The following CCDC88A variants were observed in gnomAD, a reference collection of about 807,000 sequenced individuals.
The protein encoded by CCDC88A is coiled-coil and HOOK domain protein 88A.
A neutral mutation model predicts 234.3 loss-of-function variants in CCDC88A; 54 were observed. The observed-to-expected ratio is 0.23, with a 90% CI of 0.19 to 0.29. The LOEUF is 0.29. Ranked by LOEUF, CCDC88A falls within the 10% of genes least tolerant of loss-of-function variation. CCDC88A has a pLI of 1.00. For missense variants in CCDC88A, 1,832 were observed against 2,123.4 expected (o/e 0.86, Z 2.70); for synonymous variants, 753 against 737.8 (o/e 1.02, Z -0.33).
At chr2:55,384,657 A>T (rs1675289139) in intron 3 of CCDC88A, among the ~76,000 whole-genome samples, 2 of 119,138 alleles carry the variant, frequency 1.7e-5, no homozygotes, top group African/African-American at 8.1e-5. Flanking sequence ...ATACATATAT[A>T]TATATATATA....
intron 2 of CCDC88A, among the ~76,000 whole-genome samples, chr2:55,396,921 C>T (rs1677694854): frequency 6.6e-6 from 1 of 150,758 alleles, no homozygotes; most frequent in South Asian, 2.1e-4. Flanking sequence ...TTCTAAAACC[C>T]GAGTGTACAT....
At chr2:55,375,047 T>C (rs1194646156) in intron 3 of CCDC88A, among the ~76,000 whole-genome samples, 164 bp from the exon 4 acceptor site, 1 of 152,190 alleles carries the variant, frequency 6.6e-6, no homozygotes, top group Non-Finnish European at 1.5e-5. Context: ...GTAACTTCAA[T>C]GAATTAAATA....
chr2:55,402,930 A>C (rs947396171), intron 2 of CCDC88A, among the ~76,000 whole-genome samples: 2 of 151,816 alleles, frequency 1.3e-5, no homozygotes, highest in African/African-American at 2.4e-5. Context: ...AATGGCGTGA[A>C]CCCAGGAGGC....
rs1306064434 is a variant in CCDC88A at position 55,302,076 on chromosome 2, G to C, written c.4472-4C>G. On this transcript the variant is annotated splice_polypyrimidine_tract_variant and splice_region_variant and intron_variant, in intron 26 of 32. Coordinates refer to ENST00000436346, the MANE Select transcript of CCDC88A (RefSeq NM_001365480.1). ...GACTGCACCAGGTCATTCATGGCTGGGATGCAAATGAAAGCAAATGAATCA... is the reference window on the plus strand; with the variant it reads ...GACTGCACCAGGTCATTCATGGCTGCGATGCAAATGAAAGCAAATGAATCA... The C allele has an allele frequency of 6.2e-7, 1 of 1,610,224 alleles. No homozygotes were observed. The highest frequency in any genetic ancestry group is 1.3e-5 in the African/African-American group (1 of 74,792).
chr2:55,312,302 C>T, intron 23 of CCDC88A, 132 bp downstream of exon 23: 1 of 702,786 alleles, frequency 1.4e-6, no homozygotes, highest in Non-Finnish European at 2.4e-6. Context: ...AGAATAGTGC[C>T]TGGAATATAA....
At chr2:55,319,140 A>G in intron 18 of CCDC88A, 136 bp from the exon 19 acceptor site, 1 of 703,842 alleles carries the variant, frequency 1.4e-6, no homozygotes, top group Non-Finnish European at 2.1e-6. Context: ...ATCTTAAAAG[A>G]GAAAAAAAAC....
rs183188062 is a variant in CCDC88A, at chr2:55,384,610, T to C, written c.273+4168A>G. On this transcript the variant is annotated intron_variant, in intron 3 of 32. Transcript: ENST00000436346. ...ATATACACATATATACGTATATATG[T>C]GTATATATACGTATATATATGTATA... 6.9e-3 allele frequency among the ~76,000 whole-genome samples: 796 copies of C among 115,116 alleles called. 292 individuals are homozygous for C. Among genetic ancestry groups the C allele is most frequent in the African/African-American group, 0.035 (767 of 21,806 alleles). The allele number at this position is 115,116 out of a possible 152,430, so 75.5% of individuals were successfully genotyped here.
chr2:55,393,916 A>G (rs1056832721), intron 2 of CCDC88A, among the ~76,000 whole-genome samples: 6 of 152,086 alleles, frequency 3.9e-5, no homozygotes, highest in African/African-American at 1.4e-4. Context: ...TTTCTATTCA[A>G]TGTCTGAATG....
intron 26 of CCDC88A, 74 bp from the exon 27 acceptor site, chr2:55,302,146 T>C: frequency 1.6e-6 from 2 of 1,215,164 alleles, no homozygotes; most frequent in Non-Finnish European, 2.4e-6. Flanking sequence ...GTAGTACAAA[T>C]ACTGTGGTTT....
Position 55,366,534 on chromosome 2 carries a change from TACACACACACACAC to T in CCDC88A, c.403-2515_403-2502del, listed in dbSNP as rs201666406. On this transcript the variant is annotated intron_variant, in intron 5 of 32. Coordinates refer to ENST00000436346, the MANE Select transcript of CCDC88A (RefSeq NM_001365480.1). ...AGAGCAAGACTCTGTCACACACACA[TACACACACACACAC>T]ACACACACACACACACACACACACA... is the stretch of plus-strand genomic sequence containing the variant. Among the ~76,000 whole-genome samples the T allele has an allele frequency of 1.4e-3, 178 of 127,726 alleles. 1 individual carries two copies. The highest frequency in any genetic ancestry group is 4.4e-3 in the South Asian group (16 of 3,616). The allele number at this position is 127,726 out of a possible 152,430, so 83.8% of individuals were successfully genotyped here.
chr2:55,412,250 C>T (rs911266497), intron 2 of CCDC88A, among the ~76,000 whole-genome samples: 25 of 152,156 alleles, frequency 1.6e-4, no homozygotes, highest in Admixed American at 1.2e-3. Flanking sequence ...AATAGCTACG[C>T]AGGTGAAGGT....
intron 22 of CCDC88A, chr2:55,315,161 T>A (rs974050314): frequency 1.3e-5 from 2 of 152,254 alleles, no homozygotes; most frequent in Non-Finnish European, 2.9e-5. Context: ...TCAGGCTATC[T>A]AAGAGCTGAC....
rs147106903 is a variant in CCDC88A at position 55,299,693 on chromosome 2, G to A, written c.4825+146C>T. On this transcript the variant is annotated intron_variant, in intron 29 of 32. Coordinates refer to ENST00000436346, the MANE Select transcript of CCDC88A (RefSeq NM_001365480.1). ...CATTGAAATACATTTGTATTACAATGTGAAAAGTATAAAATGTTCCAAACA... is the reference window on the plus strand; with the variant it reads ...CATTGAAATACATTTGTATTACAATATGAAAAGTATAAAATGTTCCAAACA... 2,033 of 594,872 alleles carry A rather than the reference G, an allele frequency of 3.4e-3. 4 individuals carry two copies. Among genetic ancestry groups the A allele is most frequent in the Non-Finnish European group, 4.9e-3 (1,640 of 331,928 alleles). 36.8% of individuals were successfully genotyped at this position (594,872 alleles called of 1,614,324 possible).
At chr2:55,411,365 C>A (rs185239383) in intron 2 of CCDC88A, among the ~76,000 whole-genome samples, 4 of 152,060 alleles carry the variant, frequency 2.6e-5, no homozygotes, top group Admixed American at 2.6e-4. Flanking sequence ...TTCACCTGTT[C>A]TTCTCTAGGT....
chr2:55,342,748 A>C (rs573575120), intron 12 of CCDC88A, among the ~76,000 whole-genome samples: 39 of 152,270 alleles, frequency 2.6e-4, no homozygotes, highest in African/African-American at 8.2e-4. Context: ...AATAGGATGA[A>C]TCATCTATAG....
intron 4 of CCDC88A, among the ~76,000 whole-genome samples, chr2:55,374,312 G>C (rs1353868847): frequency 1.3e-5 from 2 of 152,124 alleles, no homozygotes; most frequent in African/African-American, 4.8e-5. Context: ...AGGTTGCAGT[G>C]AGCCAAGATC....
chr2:55,358,862 T>C (rs775330715), intron 7 of CCDC88A, among the ~76,000 whole-genome samples: 1 of 152,144 alleles, frequency 6.6e-6, no homozygotes, highest in Non-Finnish European at 1.5e-5. Flanking sequence ...TATCCCTCTA[T>C]CAGCATGCTC....
At chr2:55,408,590 G>C (rs181014876) in intron 2 of CCDC88A, among the ~76,000 whole-genome samples, 117 of 152,242 alleles carry the variant, frequency 7.7e-4, no homozygotes, top group Non-Finnish European at 1.6e-4. Context: ...AAATGCCATG[G>C]CAATGGCAGG....
rs1250846810 is a variant in CCDC88A at position 55,334,779 on chromosome 2, C to T, written c.2042G>A (p.Ser681Asn). Residue 681 changes from serine (S) to asparagine (N), a missense_variant, in exon 15 of 33, where the codon AGC (serine) becomes AAC (asparagine). Ser to Asn is a conservative substitution (Grantham distance 46). This residue lies in a region of CCDC88A where 1,282 missense variants were observed against 1,543.6 expected (regional missense o/e 0.83). Coordinates refer to ENST00000436346, the MANE Select transcript of CCDC88A (RefSeq NM_001365480.1). The surrounding 1 kb of genome is among the most constrained non-coding windows in gnomAD (Gnocchi z 6.1). ...TAACTGAAAGGTCAGATTTTTAAAG[C>T]TATCCAATGTTTTTTTTAATTTTCT... ...ENRKLKKTLD[S>N]FKNLTFQLES... 1 of 1,600,218 alleles carries T rather than the reference C, an allele frequency of 6.2e-7. No homozygotes were observed. Among genetic ancestry groups the T allele is most frequent in the Non-Finnish European group, 8.5e-7 (1 of 1,175,070 alleles).
Sources: allele counts gnomAD v4.1 joint callset (sites outside exome capture counted in the v4.1 genomes callset), GRCh38; gene constraint gnomAD v4.1.1; regional missense constraint gnomAD v4.1.1; non-coding constraint Gnocchi (gnomAD v3.1); transcripts MANE v1.5; gene names NCBI Gene and HGNC (gene_info 2026-07-23, HGNC 2026-07-21).